The following DST variants were observed in gnomAD, a reference collection of about 807,000 sequenced individuals.
The protein encoded by DST is bullous pemphigoid antigen.
DST carries 253 observed loss-of-function variants against 875.2 expected under a neutral mutation model. The observed-to-expected ratio is 0.29, with a 90% CI of 0.26 to 0.32. The LOEUF is 0.32. Among genes scored for constraint, DST ranks in the 10% least tolerant of loss-of-function variants. DST has a pLI of 1.00. For synonymous variants in DST, 3,124 were observed against 3,197.1 expected (o/e 0.98, Z 0.77); for missense variants, 8,287 against 9,111.6 (o/e 0.91, Z 3.68).
intron 4 of DST, among the ~76,000 whole-genome samples, chr6:56,794,310 C>A (rs1399482461): frequency 6.6e-6 from 1 of 152,164 alleles, no homozygotes; most frequent in East Asian, 1.9e-4. Flanking sequence ...TCTGATTATA[C>A]AGAGTAGATG....
intron 49 of DST, among the ~76,000 whole-genome samples, chr6:56,581,555 G>C (rs937463451): frequency 6.6e-6 from 1 of 152,216 alleles, no homozygotes; most frequent in African/African-American, 2.4e-5. Context: ...AGGAAAAAAA[G>C]GTGGAAGCAG....
chr6:56,486,304 A>AG (rs1582840538), intron 87 of DST, among the ~76,000 whole-genome samples: 1 of 138,550 alleles, frequency 7.2e-6, no homozygotes, highest in Non-Finnish European at 1.5e-5. Flanking sequence ...CAGAGCTCGC[A>AG]GTGAGCCGAG....
chr6:56,736,673 A>C (rs571586831), intron 4 of DST, among the ~76,000 whole-genome samples: 1 of 152,124 alleles, frequency 6.6e-6, no homozygotes, highest in Non-Finnish European at 1.5e-5. Context: ...TAATATAACT[A>C]AAGTTTCTTT....
Position 56,553,571 on chromosome 6 carries a change from T to A in DST, c.15221A>T (p.Asp5074Val). ...TTTGTTTTGCTCTTCTTTCTTTGTATCCAGCCAAGCCTGAAAATCTCTAGA... is the reference window on the plus strand; with the variant it reads ...TTTGTTTTGCTCTTCTTTCTTTGTAACCAGCCAAGCCTGAAAATCTCTAGA... ...QMSRDFQAWL[D>V]TKKEEQNKSH... The change falls in exon 61 of 104, where the codon GAT becomes GTT. Residue 5074 changes from aspartate (D) to valine (V), a missense_variant. Physicochemically the swap from Asp to Val is radical, Grantham distance 152 (BLOSUM62 -3). Around this residue, in one of 10 missense-constraint regions of DST, gnomAD observed 1,513 missense variants for 1,677.8 expected, o/e 0.90. Coordinates refer to ENST00000680361, the MANE Select transcript of DST (RefSeq NM_001374736.1). 1 of 1,613,934 alleles carries A rather than the reference T, an allele frequency of 6.2e-7. No homozygotes were observed. Among genetic ancestry groups the A allele is most frequent in the Non-Finnish European group, 8.5e-7 (1 of 1,179,882 alleles).
chr6:56,498,905 A>G (rs1004732384), intron 80 of DST, among the ~76,000 whole-genome samples: 3 of 152,172 alleles, frequency 2.0e-5, no homozygotes, highest in Admixed American at 1.3e-4. Flanking sequence ...AAAGCTTACT[A>G]CAGAACCCAG....
rs758298929 is a variant in DST at position 56,572,902 on chromosome 6, C to G, written c.13399G>C (p.Glu4467Gln). 6.2e-7 allele frequency: 1 copy of G among 1,613,358 alleles called. No individual in the cohort carries two copies. Among genetic ancestry groups the G allele is most frequent in the Non-Finnish European group, 8.5e-7 (1 of 1,179,664 alleles). Residue 4467 changes from glutamate to glutamine, a missense_variant, in exon 52 of 104, where the codon GAA (glutamate) becomes CAA (glutamine). Glu to Gln is a conservative substitution (Grantham distance 29, BLOSUM62 2). Around this residue, in one of 10 missense-constraint regions of DST, gnomAD observed 1,513 missense variants for 1,677.8 expected, o/e 0.90. Coordinates refer to ENST00000680361, the MANE Select transcript of DST (RefSeq NM_001374736.1). ...AGCTCCTCCATTTTGGCAAGAGTTTCTTTGTGTTTATGACTTGCTTCTGAA... is the reference window on the plus strand; with the variant it reads ...AGCTCCTCCATTTTGGCAAGAGTTTGTTTGTGTTTATGACTTGCTTCTGAA... ...RFSEASHKHK[E>Q]TLAKMEELKT... is the part of the protein sequence containing the mutation.
Position 56,607,225 on chromosome 6 carries a change from G to C in DST, c.7403C>G (p.Ala2468Gly). 1.9e-6 allele frequency: 3 copies of C among 1,613,370 alleles called. No homozygotes were observed. The highest frequency in any genetic ancestry group is 3.3e-4 in the Middle Eastern group (2 of 6,062). Reference protein sequence around the residue: ...ESNGNKCEAPALSFSDKTMLS... With the variant: ...ESNGNKCEAPGLSFSDKTMLS... Reference sequence around the variant, plus strand: ...CATGGTTTTGTCACTGAATGATAAGGCTGGGGCTTCACACTTATTTCCATT... The same window carrying C: ...CATGGTTTTGTCACTGAATGATAAGCCTGGGGCTTCACACTTATTTCCATT... Residue 2468 changes from alanine (A) to glycine (G), a missense_variant, in exon 40 of 104, where the codon GCC becomes GGC. Ala to Gly is a moderately conservative substitution (Grantham distance 60). Around this residue, in one of 10 missense-constraint regions of DST, gnomAD observed 3,138 missense variants for 3,116.6 expected, o/e 1.01. Coordinates refer to ENST00000680361, the MANE Select transcript of DST (RefSeq NM_001374736.1).
chr6:56,677,492 A>G (rs77289721), intron 9 of DST, among the ~76,000 whole-genome samples: 17 of 151,944 alleles, frequency 1.1e-4, no homozygotes, highest in Admixed American at 9.8e-4. Context: ...AATTCTTTTA[A>G]ATTTTCTGTG....
At chr6:56,565,189 C>G (rs748973100) in intron 55 of DST, among the ~76,000 whole-genome samples, 2 of 147,108 alleles carry the variant, frequency 1.4e-5, no homozygotes, top group Non-Finnish European at 3.0e-5. Flanking sequence ...GGCACAATCT[C>G]GGCTCACCGC....
Position 56,572,609 on chromosome 6 carries a change from A to G in DST, c.13554+138T>C, listed in dbSNP as rs147422379. 338 of 635,682 alleles carry G rather than the reference A, an allele frequency of 5.3e-4. No individual in the cohort carries two copies. In the African/African-American group the frequency reaches 5.8e-3, roughly 11 times the overall value. 39.4% of individuals were successfully genotyped at this position (635,682 alleles called of 1,614,324 possible). On this transcript the variant is annotated intron_variant, in intron 52 of 103. Transcript: ENST00000680361. ...GGAAAAGATAAGGTTTGAAATTCTT[A>G]AAGGAGTAAAACATAGATCTTTACT...
intron 47 of DST, among the ~76,000 whole-genome samples, chr6:56,595,503 T>C (rs552016810): frequency 1.1e-4 from 16 of 152,282 alleles, no homozygotes; most frequent in African/African-American, 3.9e-4. Flanking sequence ...TTTTGCTCAC[T>C]GTGTAATCCC....
chr6:56,779,566 G>C (rs1056925394), intron 4 of DST, among the ~76,000 whole-genome samples: 1 of 151,854 alleles, frequency 6.6e-6, no homozygotes, highest in African/African-American at 2.4e-5. Context: ...TTTGTATAAG[G>C]TGTAAGGAAG....
chr6:56,626,273 GCTCA>G (rs374266373), intron 34 of DST, among the ~76,000 whole-genome samples: 12 of 152,220 alleles, frequency 7.9e-5, no homozygotes, highest in Admixed American at 3.3e-4. Context: ...TTCACTCAGA[GCTCA>G]CTCACTAACT....
intron 9 of DST, among the ~76,000 whole-genome samples, chr6:56,698,869 C>T (rs897441774): frequency 1.3e-5 from 2 of 152,062 alleles, no homozygotes; most frequent in African/African-American, 2.4e-5. Context: ...GGGTATATTG[C>T]GTGATGTTGA....
chr6:56,906,567 C>T (rs1796504561), intron 2 of DST, among the ~76,000 whole-genome samples: 2 of 152,094 alleles, frequency 1.3e-5, no homozygotes, highest in Admixed American at 6.6e-5. Flanking sequence ...CCTCCAGGCC[C>T]GCTATGTAGA....
intron 4 of DST, among the ~76,000 whole-genome samples, chr6:56,738,258 G>A (rs757119124): frequency 6.6e-6 from 1 of 152,156 alleles, no homozygotes; most frequent in Non-Finnish European, 1.5e-5. Flanking sequence ...ATAAAGGGGT[G>A]CAGAAAGCAT....
chr6:56,604,655 G>A lies in DST; in HGVS notation c.9973C>T (p.Gln3325Ter). ...AAGGCTTGTTCTTTTGGTAGCTGTT[G>A]CTCAATTCTTTCTTTCTTATTATTA... ...EINNKKERIE[Q>*]QLPKEQALSP... Residue 3325 changes from glutamine to a stop codon, truncating the protein, a stop_gained, in exon 40 of 104, where the codon CAA becomes TAA. Transcript: ENST00000680361. LOFTEE classifies it high-confidence loss of function. The A allele has an allele frequency of 6.2e-7, 1 of 1,612,302 alleles. No individual in the cohort carries two copies. The highest frequency in any genetic ancestry group is 1.1e-5 in the South Asian group (1 of 90,834).
At chr6:56,867,846 T>C (rs1047161503) in intron 3 of DST, among the ~76,000 whole-genome samples, 21 of 150,830 alleles carry the variant, frequency 1.4e-4, no homozygotes, top group African/African-American at 4.6e-4. Context: ...AAAAAAAAAA[T>C]AGTAGGGCTC....
At chr6:56,536,002 TA>T (rs2096989928) in intron 62 of DST, among the ~76,000 whole-genome samples, 1 of 152,216 alleles carries the variant, frequency 6.6e-6, no homozygotes, top group African/African-American at 2.4e-5. Context: ...TATCAGACTT[TA>T]AAGAATGAAT....
Sources: gnomAD v4.1 joint callset for allele counts (sites outside exome capture counted in the v4.1 genomes callset) on GRCh38, gnomAD v4.1.1 for gene constraint, gnomAD v4.1.1 regional missense constraint, MANE v1.5 for transcripts, NCBI Gene and HGNC (gene_info 2026-07-23, HGNC 2026-07-21) for gene names.